ANK3: variants seen among roughly 807,000 people sequenced by gnomAD.
The protein encoded by ANK3 is ankyrin 3.
A neutral mutation model predicts 370.9 loss-of-function variants in ANK3; 57 were observed. The observed-to-expected ratio is 0.15, with a 90% CI of 0.12 to 0.19. The LOEUF (loss-of-function observed/expected upper bound fraction) is 0.19, where lower values mean the gene tolerates loss of function less well. Ranked by LOEUF, ANK3 falls within the 10% of genes least tolerant of loss-of-function variation. The pLI is 1.00. For synonymous variants in ANK3, 1,929 were observed against 1,946.3 expected (o/e 0.99, Z 0.23); for missense variants, 4,439 against 5,302.1 (o/e 0.84, Z 5.06).
rs1483767778 is a variant in ANK3 at position 60,073,994 on chromosome 10, T to C, written c.6887A>G (p.His2296Arg). ...AACATCTGGAGACACTGCCGACTTA[T>C]GTTCAAACAGACCTGCCAGTTCTTT... ...PSKELAGLFE[H>R]KSAVSPDVHK... The change falls in exon 37 of 44, where the codon CAT becomes CGT. Residue 2296 changes from histidine (H) to arginine (R), a missense_variant. His to Arg is a conservative substitution (Grantham distance 29, BLOSUM62 0). Transcript: ENST00000280772. 2 of 1,614,054 alleles carry C rather than the reference T, an allele frequency of 1.2e-6. No individual in the cohort carries two copies. Among genetic ancestry groups the C allele is most frequent in the Middle Eastern group, 3.3e-4 (2 of 6,060 alleles).
At chr10:60,464,008 GA>G (rs56186066) in intron 2 of ANK3, among the ~76,000 whole-genome samples, 12,843 of 152,182 alleles carry the variant, frequency 0.084, 656 homozygotes, top group South Asian at 0.17. Flanking sequence ...CAGAAACACT[GA>G]AAAGATTAGC....
At chr10:60,579,138 A>C (rs1595311011) in intron 2 of ANK3, among the ~76,000 whole-genome samples, 1 of 152,066 alleles carries the variant, frequency 6.6e-6, no homozygotes, top group South Asian at 2.1e-4. Flanking sequence ...CATCTTGGCC[A>C]ACATGGTGAA....
intron 36 of ANK3, among the ~76,000 whole-genome samples, chr10:60,078,096 C>A (rs1264894212): frequency 6.6e-6 from 1 of 152,134 alleles, no homozygotes; most frequent in Non-Finnish European, 1.5e-5. Flanking sequence ...CCAAGAAAGC[C>A]CTGGTTCAGA....
chr10:60,138,264 T>C (rs1284827261), intron 24 of ANK3, among the ~76,000 whole-genome samples: 2 of 152,180 alleles, frequency 1.3e-5, no homozygotes, highest in East Asian at 3.8e-4. Flanking sequence ...AAATCCACAC[T>C]AGGGCAAAGA....
chr10:60,063,831 T>C (rs1213574858), intron 39 of ANK3, among the ~76,000 whole-genome samples: 1 of 152,140 alleles, frequency 6.6e-6, no homozygotes, highest in Non-Finnish European at 1.5e-5. Flanking sequence ...AACTTCGGAG[T>C]GTTTCTGATG....
At chr10:60,367,140 G>C (rs1309704614) in intron 1 of ANK3, among the ~76,000 whole-genome samples, 1 of 152,194 alleles carries the variant, frequency 6.6e-6, no homozygotes, top group African/African-American at 2.4e-5. Context: ...ACAAGCATTA[G>C]AGTTTCCTGG....
At chr10:60,081,950 G>A (rs371339235) in intron 35 of ANK3, 200 bp downstream of exon 35, 44 of 409,154 alleles carry the variant, frequency 1.1e-4, no homozygotes, top group African/African-American at 1.9e-4. Flanking sequence ...TTATAATTTC[G>A]TTGAATATAT....
intron 1 of ANK3, among the ~76,000 whole-genome samples, chr10:60,379,165 CCA>C (rs1238440408): frequency 6.6e-6 from 1 of 152,008 alleles, no homozygotes; most frequent in Non-Finnish European, 1.5e-5. Context: ...TCATCTCACC[CCA>C]GTTAGGATTG....
chr10:60,168,733 C>T (rs1472850578), intron 21 of ANK3, among the ~76,000 whole-genome samples: 1 of 152,060 alleles, frequency 6.6e-6, no homozygotes, highest in Non-Finnish European at 1.5e-5. Context: ...TGTGTCCTTC[C>T]CCTCCCTGTG....
intron 1 of ANK3, among the ~76,000 whole-genome samples, chr10:60,626,364 C>T (rs1476536198): frequency 6.6e-6 from 1 of 151,852 alleles, no homozygotes; most frequent in Non-Finnish European, 1.5e-5. Context: ...GGTCTAATAA[C>T]AACTATAATT....
intron 1 of ANK3, among the ~76,000 whole-genome samples, chr10:60,705,154 CAA>C (rs1210245402): frequency 6.6e-6 from 1 of 152,082 alleles, no homozygotes; most frequent in Non-Finnish European, 1.5e-5. Context: ...AGAATTTAAT[CAA>C]GTTAGATTTT....
At chr10:60,582,305 A>G (rs2077766270) in intron 2 of ANK3, among the ~76,000 whole-genome samples, 1 of 152,206 alleles carries the variant, frequency 6.6e-6, no homozygotes, top group African/African-American at 2.4e-5. Context: ...CAGCTTATCC[A>G]GAACCACAAA....
chr10:60,167,337 T>C (rs1402684722), intron 21 of ANK3, among the ~76,000 whole-genome samples: 2 of 152,212 alleles, frequency 1.3e-5, no homozygotes, highest in Admixed American at 1.3e-4. Flanking sequence ...TCTCCTCTTA[T>C]ATGTACTTTT....
intron 25 of ANK3, among the ~76,000 whole-genome samples, chr10:60,130,057 A>G (rs2093980295): frequency 6.6e-6 from 1 of 152,242 alleles, no homozygotes; most frequent in South Asian, 2.1e-4. Flanking sequence ...AAATGTTTAA[A>G]TGCACTTCTG....
chr10:60,592,147 A>T (rs2077924607), intron 2 of ANK3, among the ~76,000 whole-genome samples: 1 of 152,182 alleles, frequency 6.6e-6, no homozygotes, highest in South Asian at 2.1e-4. Context: ...TGATGGGCTT[A>T]TTTCACATTG....
At chr10:60,053,773 C>T in intron 42 of ANK3, 2 of 1,288,364 alleles carry the variant, frequency 1.6e-6, no homozygotes, top group Non-Finnish European at 2.0e-6. Flanking sequence ...TGAGATCATA[C>T]ATCAGATGAC....
At chr10:60,466,371 G>T (rs141657740) in intron 2 of ANK3, among the ~76,000 whole-genome samples, 13 of 152,082 alleles carry the variant, frequency 8.5e-5, no homozygotes, top group African/African-American at 2.4e-5. Flanking sequence ...TGCCAATAAC[G>T]CCCTAATCAC....
chr10:60,072,473 T>A lies in ANK3; in HGVS notation c.8408A>T (p.Asp2803Val). The A allele has an allele frequency of 6.2e-7, 1 of 1,614,040 alleles. No homozygotes were observed. Among genetic ancestry groups the A allele is most frequent in the Non-Finnish European group, 8.5e-7 (1 of 1,180,002 alleles). Residue 2803 changes from aspartate (D) to valine (V), a missense_variant, in exon 37 of 44, where the codon GAT (aspartate) becomes GTT (valine). Coordinates refer to ENST00000280772, the MANE Select transcript of ANK3 (RefSeq NM_020987.5). Reference protein sequence around the residue: ...HAQSNEIVVNDSGSDNVKKQR... With the variant: ...HAQSNEIVVNVSGSDNVKKQR... ...TTTTTTCACATTATCAGAGCCAGAA[T>A]CATTTACAACAATTTCGTTGCTTTG...
chr10:60,586,586 T>C (rs2077834945), intron 2 of ANK3, among the ~76,000 whole-genome samples: 1 of 152,084 alleles, frequency 6.6e-6, no homozygotes, highest in African/African-American at 2.4e-5. Context: ...GAAGAGCTGG[T>C]TTCTGGCAGA....
Sources: allele counts gnomAD v4.1 joint callset (sites outside exome capture counted in the v4.1 genomes callset), GRCh38; gene constraint gnomAD v4.1.1; transcripts MANE v1.5; gene names NCBI Gene and HGNC (gene_info 2026-07-23, HGNC 2026-07-21).